Variants in CAP2 observed in about 807,000 individuals in gnomAD.
The protein encoded by CAP2 is cyclase associated actin cytoskeleton regulatory protein 2.
A neutral mutation model predicts 57.7 loss-of-function variants in CAP2; 24 were observed. The observed-to-expected ratio is 0.42, with a 90% CI of 0.30 to 0.58. The LOEUF (loss-of-function observed/expected upper bound fraction) is 0.58. Ranked by LOEUF, CAP2 falls within the 20% of genes least tolerant of loss-of-function variation. The pLI is 0.22. For missense variants in CAP2, 501 were observed against 590.3 expected, an observed-to-expected ratio of 0.85 and a Z score of 1.57; for synonymous variants, 194 against 207.2, an observed-to-expected ratio of 0.94 and a Z score of 0.55.
intron 7 of CAP2, 94 bp from the exon 8 acceptor site, chr6:17,539,175 C>T (rs1200132531): frequency 4.3e-6 from 5 of 1,166,134 alleles, no homozygotes; most frequent in Middle Eastern, 3.0e-4. Flanking sequence ...CAACCCCACT[C>T]TCTCATTGGC....
rs368693789 is a variant in CAP2, at chr6:17,506,191, G to A, written c.301-978G>A. Among the ~76,000 whole-genome samples, 6 of 152,174 alleles carry A rather than the reference G, an allele frequency of 3.9e-5. No homozygotes were observed. The East Asian group carries it at 9.6e-4, about 24-fold the overall frequency. On this transcript the variant is annotated intron_variant, in intron 4 of 12. Transcript: ENST00000229922. Reference sequence around the variant, plus strand: ...TGGAATTACAGGTATGAGCCACCACGCCCAGCCAGCTCATCTAATTCTGAA... The same window carrying A: ...TGGAATTACAGGTATGAGCCACCACACCCAGCCAGCTCATCTAATTCTGAA...
intron 3 of CAP2, among the ~76,000 whole-genome samples, chr6:17,437,342 C>T (rs969480840): frequency 3.0e-4 from 46 of 152,070 alleles, no homozygotes; most frequent in African/African-American, 1.1e-3. Context: ...CAGGGATAGG[C>T]GGGATGCTGG....
intron 7 of CAP2, among the ~76,000 whole-genome samples, chr6:17,526,969 A>AAAG (rs1762527143): frequency 1.3e-5 from 2 of 150,268 alleles, no homozygotes; most frequent in Admixed American, 6.6e-5. Flanking sequence ...AAAAAAAAAA[A>AAAG]AAAAAAAAAG....
chr6:17,428,551 A>C (rs1462329234), intron 3 of CAP2, among the ~76,000 whole-genome samples: 1 of 147,720 alleles, frequency 6.8e-6, no homozygotes. Flanking sequence ...GCATATTCTC[A>C]CTCATAGGTG....
chr6:17,512,449 AT>A (rs531871237), intron 6 of CAP2, among the ~76,000 whole-genome samples: 8 of 152,192 alleles, frequency 5.3e-5, no homozygotes, highest in Non-Finnish European at 1.2e-4. Flanking sequence ...TATTTCTATA[AT>A]GTCCACAAAC....
intron 4 of CAP2, among the ~76,000 whole-genome samples, chr6:17,483,129 T>C (rs1026582445): frequency 5.9e-5 from 9 of 152,314 alleles, no homozygotes; most frequent in South Asian, 2.1e-4. Flanking sequence ...TGTGTTTTCA[T>C]AGGAGTCAGG....
At chr6:17,494,752 C>T (rs1057329581) in intron 4 of CAP2, among the ~76,000 whole-genome samples, 1 of 152,044 alleles carries the variant, frequency 6.6e-6, no homozygotes, top group African/African-American at 2.4e-5. Flanking sequence ...GAGTATTATT[C>T]TGGGTGTTTT....
intron 4 of CAP2, among the ~76,000 whole-genome samples, chr6:17,469,426 G>A (rs1296509803): frequency 2.0e-5 from 3 of 151,866 alleles, no homozygotes; most frequent in Non-Finnish European, 4.4e-5. Context: ...CTGTGTGTGT[G>A]TGTGTGTCTG....
chr6:17,401,879 C>T (rs1440619526), intron 1 of CAP2, among the ~76,000 whole-genome samples: 4 of 152,170 alleles, frequency 2.6e-5, no homozygotes, highest in African/African-American at 9.7e-5. Context: ...AATTCACTCC[C>T]CTCAATGCCT....
intron 7 of CAP2, among the ~76,000 whole-genome samples, chr6:17,535,780 A>G (rs1377116297): frequency 6.6e-6 from 1 of 152,190 alleles, no homozygotes; most frequent in Non-Finnish European, 1.5e-5. Context: ...CATAATTAAG[A>G]TTAATTTCAA....
intron 6 of CAP2, among the ~76,000 whole-genome samples, chr6:17,508,662 G>T (rs1359688444): frequency 6.6e-6 from 1 of 152,156 alleles, no homozygotes; most frequent in Non-Finnish European, 1.5e-5. Flanking sequence ...AAATGCAGAG[G>T]CACCTGGGGA....
intron 4 of CAP2, among the ~76,000 whole-genome samples, chr6:17,497,860 G>C (rs1761707781): frequency 6.6e-6 from 1 of 152,226 alleles, no homozygotes; most frequent in Non-Finnish European, 1.5e-5. Flanking sequence ...TGAGGGAACA[G>C]TTAATGTGAA....
At chr6:17,542,780 C>A in intron 9 of CAP2, 57 bp from the exon 10 acceptor site, 4 of 1,365,336 alleles carry the variant, frequency 2.9e-6, no homozygotes, top group Non-Finnish European at 4.1e-6. Flanking sequence ...TTTCAGTGTG[C>A]AGTGGTTTCT....
chr6:17,526,626 C>G (rs1762517294), intron 7 of CAP2, among the ~76,000 whole-genome samples: 3 of 152,062 alleles, frequency 2.0e-5, no homozygotes, highest in Non-Finnish European at 4.4e-5. Flanking sequence ...GGGGAAGGTG[C>G]AGATTATCTT....
chr6:17,408,314 AT>A (rs1376136739), intron 1 of CAP2, among the ~76,000 whole-genome samples: 16 of 152,044 alleles, frequency 1.1e-4, no homozygotes, highest in Non-Finnish European at 2.2e-4. Context: ...TGCCAGGCTC[AT>A]TTTTTCCTTG....
chr6:17,468,204 C>G (rs545295425), intron 4 of CAP2, among the ~76,000 whole-genome samples: 1 of 152,230 alleles, frequency 6.6e-6, no homozygotes, highest in South Asian at 2.1e-4. Flanking sequence ...ACCCTTCCAT[C>G]TATCCTGGCA....
intron 7 of CAP2, chr6:17,531,732 C>T (rs2113688339): frequency 4.9e-6 from 3 of 609,830 alleles, no homozygotes; most frequent in South Asian, 2.0e-5. Context: ...AGATCAATGT[C>T]GTCTATATAC....
At chr6:17,474,426 G>A (rs1412790889) in intron 4 of CAP2, among the ~76,000 whole-genome samples, 1 of 151,938 alleles carries the variant, frequency 6.6e-6, no homozygotes, top group Non-Finnish European at 1.5e-5. Flanking sequence ...GTAAGTAGTT[G>A]CTTCAGATCT....
intron 1 of CAP2, among the ~76,000 whole-genome samples, chr6:17,407,569 G>A (rs992286938): frequency 6.6e-5 from 10 of 151,986 alleles, no homozygotes; most frequent in African/African-American, 2.4e-4. Context: ...TTGAGGTCAG[G>A]AGTTCAAGAC....
Sources: allele counts gnomAD v4.1 joint callset (sites outside exome capture counted in the v4.1 genomes callset), GRCh38; gene constraint gnomAD v4.1.1; transcripts MANE v1.5; gene names NCBI Gene and HGNC (gene_info 2026-07-23, HGNC 2026-07-21).